CEP85: variants seen among roughly 807,000 people sequenced by gnomAD.
CEP85 encodes centrosomal protein of 85 kDa.
CEP85 carries 58 observed loss-of-function variants against 93.7 expected under a neutral mutation model. The ratio of observed to expected loss-of-function variants is 0.62; its 90% confidence interval spans 0.50 to 0.77. The LOEUF (loss-of-function observed/expected upper bound fraction) is 0.77, where lower values mean the gene tolerates loss of function less well. CEP85 is among the 30% of genes least tolerant of loss of function. The pLI is 0.00. For missense variants in CEP85, 868 were observed against 922.0 expected (o/e 0.94, Z 0.76); for synonymous variants, 314 against 338.6 (o/e 0.93, Z 0.80).
Position 26,244,170 on chromosome 1 carries a change from C to G in CEP85, c.60C>G (p.Ser20=). The G allele has an allele frequency of 6.2e-7, 1 of 1,612,264 alleles. No homozygotes were observed. The highest frequency in any genetic ancestry group is 8.5e-7 in the Non-Finnish European group (1 of 1,179,468). The change falls in exon 3 of 14, where the codon TCC becomes TCG. Residue 20 remains serine (S), a synonymous_variant. Transcript: ENST00000451429. ...GGGAAATGCCTCTTGTTTCAGGTTC[C>G]GATGTGATTCAGAAGGGCAGTTCCC... ...EGISHVTSPS[S]DVIQKGSSLG...
intron 11 of CEP85, among the ~76,000 whole-genome samples, chr1:26,273,032 G>A (rs1261204755): frequency 6.6e-6 from 1 of 152,116 alleles, no homozygotes; most frequent in Non-Finnish European, 1.5e-5. Context: ...GGGGACTGTT[G>A]GAGAAATTCT....
chr1:26,244,226 C>A lies in CEP85; in HGVS notation c.116C>A (p.Ser39Ter). The change falls in exon 3 of 14, where the codon TCG (serine) becomes TAG (stop). Residue 39 changes from serine (S) to a stop codon, truncating the protein, a stop_gained. Transcript: ENST00000451429. LOFTEE classifies it high-confidence loss of function. ...LGTEWQTPVI[S>*]EPFRSRFSRC... ...ACTGAATGGCAGACCCCAGTTATCT[C>A]GGAGCCCTTTCGGAGCCGCTTCAGC... The A allele has an allele frequency of 6.2e-7, 1 of 1,613,714 alleles. No homozygotes were observed. Among genetic ancestry groups the A allele is most frequent in the Non-Finnish European group, 8.5e-7 (1 of 1,179,910 alleles).
intron 7 of CEP85, among the ~76,000 whole-genome samples, chr1:26,266,669 T>C (rs919401247): frequency 1.3e-5 from 2 of 152,262 alleles, no homozygotes. Flanking sequence ...TTGGATTAAA[T>C]TAGGCCTTTG....
At chr1:26,247,560 T>A (rs559954908) in intron 3 of CEP85, among the ~76,000 whole-genome samples, 1 of 152,128 alleles carries the variant, frequency 6.6e-6, no homozygotes, top group Admixed American at 6.5e-5. Context: ...TAGTGAGATC[T>A]TGTCTCCAAA....
intron 3 of CEP85, among the ~76,000 whole-genome samples, chr1:26,250,909 C>G (rs1043596260): frequency 7.4e-6 from 1 of 134,366 alleles, no homozygotes; most frequent in Admixed American, 8.0e-5. Flanking sequence ...GTGAGCCAAG[C>G]TTGCCTTTTT....
At chr1:26,241,159 G>A (rs1400049464) in intron 2 of CEP85, among the ~76,000 whole-genome samples, 2 of 151,406 alleles carry the variant, frequency 1.3e-5, no homozygotes, top group African/African-American at 4.9e-5. Flanking sequence ...TAAATGTTTG[G>A]TGTATTCTCT....
chr1:26,249,858 C>T (rs548115604), intron 3 of CEP85, among the ~76,000 whole-genome samples: 3 of 152,166 alleles, frequency 2.0e-5, no homozygotes, highest in African/African-American at 7.2e-5. Flanking sequence ...ATAAAAATCA[C>T]ATATCCCATG....
chr1:26,272,106 C>G, intron 11 of CEP85, 35 bp downstream of exon 11: 2 of 1,596,106 alleles, frequency 1.3e-6, no homozygotes, highest in Non-Finnish European at 1.7e-6. Flanking sequence ...GTGGGCAGAA[C>G]TTAATGATGG....
At chr1:26,241,166 C>T (rs1341899163) in intron 2 of CEP85, among the ~76,000 whole-genome samples, 1 of 150,808 alleles carries the variant, frequency 6.6e-6, no homozygotes, top group East Asian at 1.9e-4. Context: ...TTGGTGTATT[C>T]TCTTAGGCAT....
At chr1:26,236,158 C>G (rs1275893937) in intron 1 of CEP85, among the ~76,000 whole-genome samples, 2 of 152,142 alleles carry the variant, frequency 1.3e-5, no homozygotes, top group African/African-American at 4.8e-5. Flanking sequence ...GAAGCCTCTT[C>G]CTAGCCATAT....
At chr1:26,238,411 G>A (rs1459030420) in intron 1 of CEP85, among the ~76,000 whole-genome samples, 2 of 151,810 alleles carry the variant, frequency 1.3e-5, no homozygotes, top group Non-Finnish European at 2.9e-5. Context: ...ATGTTGGCTG[G>A]TCTCGAACTC....
chr1:26,245,733 GTCT>G (rs1318032549), intron 3 of CEP85, among the ~76,000 whole-genome samples: 2 of 152,196 alleles, frequency 1.3e-5, no homozygotes, highest in East Asian at 1.9e-4. Flanking sequence ...CCTATAATAT[GTCT>G]TCTTATTTCC....
At chr1:26,234,469 C>A (rs567454732) in intron 1 of CEP85, among the ~76,000 whole-genome samples, 159 bp downstream of exon 1, 3 of 152,348 alleles carry the variant, frequency 2.0e-5, no homozygotes, top group African/African-American at 7.2e-5. Context: ...CCCCGGCATA[C>A]GCCCTCTCGC....
intron 6 of CEP85, 119 bp from the exon 7 acceptor site, chr1:26,259,498 C>T (rs2089772740): frequency 1.0e-6 from 1 of 984,794 alleles, no homozygotes; most frequent in Non-Finnish European, 1.5e-6. Context: ...TTGAGAACCA[C>T]TTCTTAAAGA....
chr1:26,235,567 C>CTTTTTTTTTTTTTTTTT lies in CEP85; in HGVS notation c.-23+1261_-23+1277dup, dbSNP rs1192252673. Among the ~76,000 whole-genome samples the CTTTTTTTTTTTTTTTTT allele has an allele frequency of 1.6e-3, 157 of 95,572 alleles. 9 individuals carry two copies. The highest frequency in any genetic ancestry group is 4.5e-3 in the African/African-American group (102 of 22,710). 62.7% of individuals were successfully genotyped at this position (95,572 alleles called of 152,430 possible). A position where few individuals can be genotyped will look rare whatever the true frequency, so the allele number is the denominator to read the frequency against. On this transcript the variant is annotated intron_variant, in intron 1 of 13. Transcript: ENST00000451429. ...GATGTTCCACACTTAGATTGTAATTCTTTTTTTTTTTTTTTTTTTTGTGAG... is the reference window on the plus strand; with the variant it reads ...GATGTTCCACACTTAGATTGTAATTCTTTTTTTTTTTTTTTTTTTTTTTTTTTTTTTTTTTTTGTGAG...
rs1185542130 is a variant in CEP85 at position 26,235,564 on chromosome 1, A to ATTTTTTTT, written c.-23+1256_-23+1257insTTTTTTTT. On this transcript the variant is annotated intron_variant, in intron 1 of 13. Transcript: ENST00000451429. ...CATGATGTTCCACACTTAGATTGTA[A>ATTTTTTTT]TTCTTTTTTTTTTTTTTTTTTTTGT... Among the ~76,000 whole-genome samples, 117 of 69,554 alleles carry ATTTTTTTT rather than the reference A, an allele frequency of 1.7e-3. 2 individuals are homozygous for ATTTTTTTT. The highest frequency in any genetic ancestry group is 5.3e-3 in the African/African-American group (91 of 17,306). The allele number at this position is 69,554 out of a possible 152,430, so 45.6% of individuals were successfully genotyped here.
At chr1:26,259,892 AAG>A (rs1266680030) in intron 7 of CEP85, 90 bp downstream of exon 7, 11 of 1,051,904 alleles carry the variant, frequency 1.0e-5, no homozygotes, top group Non-Finnish European at 4.1e-6. Context: ...GCCTGGAACT[AAG>A]AGGAGACAAT....
Position 26,276,672 on chromosome 1 carries a change from C to T in CEP85, c.2040C>T (p.Cys680=), listed in dbSNP as rs1418306721. 6.2e-6 allele frequency: 10 copies of T among 1,614,190 alleles called. No homozygotes were observed. Among genetic ancestry groups the T allele is most frequent in the Non-Finnish European group, 8.5e-6 (10 of 1,180,038 alleles). The change falls in exon 13 of 14, where the codon TGC becomes TGT. Residue 680 remains cysteine (C), a synonymous_variant. Transcript: ENST00000451429. ...AGCTGCACCAGGAGTTGGCCAGTTG[C>T]CTTCAAGATCTGCAGGCTGTCTGTA... ...ALELHQELAS[C]LQDLQAVCSI...
At chr1:26,270,887 A>G in intron 9 of CEP85, 127 bp from the exon 10 acceptor site, 1 of 627,068 alleles carries the variant, frequency 1.6e-6, no homozygotes, top group South Asian at 1.9e-5. Context: ...CAGCAGACCC[A>G]AGTATTATCC....
Sources: gnomAD v4.1 joint callset for allele counts (sites outside exome capture counted in the v4.1 genomes callset) on GRCh38, gnomAD v4.1.1 for gene constraint, MANE v1.5 for transcripts, NCBI Gene and HGNC (gene_info 2026-07-23, HGNC 2026-07-21) for gene names.